MORN1: variants seen among roughly 807,000 people sequenced by gnomAD.
MORN1 encodes the protein MORN repeat containing 1, also known as MORN repeat-containing protein 1.
In MORN1, 67 loss-of-function variants were observed where a neutral mutation model predicts 61.9. The observed-to-expected ratio is 1.08, with a 90% CI of 0.89 to 1.33. MORN1 has a LOEUF of 1.33. Ranked by LOEUF, MORN1 falls within the 40% of genes most tolerant of loss-of-function variation. MORN1 has a pLI of 0.00. For missense variants in MORN1, 752 were observed against 691.2 expected (o/e 1.09, Z -0.99); for synonymous variants, 301 against 292.0 (o/e 1.03, Z -0.31).
intron 8 of MORN1, among the ~76,000 whole-genome samples, chr1:2,370,701 G>T (rs1642100390): frequency 6.8e-6 from 1 of 147,120 alleles, no homozygotes; most frequent in Non-Finnish European, 1.5e-5. Flanking sequence ...AATGAGACAG[G>T]GTCTCCCTCT....
chr1:2,362,176 G>A (rs1375186698), intron 8 of MORN1, among the ~76,000 whole-genome samples: 2 of 152,222 alleles, frequency 1.3e-5, no homozygotes. Context: ...AGGTTGCAAT[G>A]AGCTCTGATC....
Position 2,337,942 on chromosome 1 carries a change from CAG to C in MORN1, c.1037-1094_1037-1093del, listed in dbSNP as rs553344997. ...GATGGATAGAAGGGTGGAGCCAAGA[CAG>C]TGCCCAGGAGGGAAGGAGGAGTCAG... On this transcript the variant is annotated intron_variant, in intron 10 of 13. Transcript: ENST00000378531. This position sits in a 1 kb window ranked among gnomAD's most constrained non-coding sequence, Gnocchi z 5.7. 2.6e-5 allele frequency among the ~76,000 whole-genome samples: 4 copies of C among 152,190 alleles called. No individual in the cohort carries two copies. Among genetic ancestry groups the C allele is most frequent in the Non-Finnish European group, 5.9e-5 (4 of 68,026 alleles).
intron 1 of MORN1, chr1:2,390,355 G>A: frequency 2.2e-6 from 2 of 926,022 alleles, no homozygotes; most frequent in Non-Finnish European, 2.6e-6. Context: ...GCCAGGGGAA[G>A]GCAGAGCGGC....
chr1:2,369,920 G>A (rs1219586264), intron 8 of MORN1, among the ~76,000 whole-genome samples: 1 of 152,160 alleles, frequency 6.6e-6, no homozygotes, highest in Admixed American at 6.5e-5. Context: ...TCTCTCCAGA[G>A]GGGTTCAACG....
At chr1:2,349,659 T>G (rs1282309949) in intron 10 of MORN1, among the ~76,000 whole-genome samples, 1 of 152,214 alleles carries the variant, frequency 6.6e-6, no homozygotes, top group Admixed American at 6.5e-5. Context: ...AAAGCTGTTA[T>G]CACCCCACGA....
intron 10 of MORN1, among the ~76,000 whole-genome samples, chr1:2,345,427 C>A (rs1405794804): frequency 6.6e-6 from 1 of 152,232 alleles, no homozygotes; most frequent in Non-Finnish European, 1.5e-5. Context: ...GTCTTGCCTC[C>A]GTCCTCCTTG....
intron 12 of MORN1, among the ~76,000 whole-genome samples, chr1:2,327,830 C>T (rs921023755): frequency 1.3e-5 from 2 of 152,288 alleles, no homozygotes; most frequent in South Asian, 2.1e-4. Context: ...CCGAATTGGC[C>T]GCCCTGACGG....
chr1:2,341,691 AG>A (rs1334202589), intron 10 of MORN1, among the ~76,000 whole-genome samples: 88 of 102,118 alleles, frequency 8.6e-4, no homozygotes, highest in African/African-American at 2.6e-3. Flanking sequence ...CTCCGTCTCA[AG>A]AAAAAAAAAA....
chr1:2,390,536 A>G, intron 1 of MORN1: 1 of 985,324 alleles, frequency 1.0e-6, no homozygotes, highest in Non-Finnish European at 1.2e-6. Flanking sequence ...CTGCAGTTCC[A>G]GGAATGGGCA....
chr1:2,373,699 C>T (rs1336118351), intron 7 of MORN1, among the ~76,000 whole-genome samples: 2 of 152,186 alleles, frequency 1.3e-5, no homozygotes, highest in African/African-American at 4.8e-5. Flanking sequence ...ACCCACCTCT[C>T]AGTGCTCCCC....
intron 10 of MORN1, among the ~76,000 whole-genome samples, chr1:2,348,460 C>T (rs1369997183): frequency 6.6e-6 from 1 of 152,206 alleles, no homozygotes; most frequent in African/African-American, 2.4e-5. Context: ...CATCCTGCCC[C>T]AGCCTGGATC....
chr1:2,345,810 C>T (rs1356062673), intron 10 of MORN1, among the ~76,000 whole-genome samples: 3 of 147,278 alleles, frequency 2.0e-5, no homozygotes. Context: ...AGAGCACACA[C>T]ACAGCCACAT....
At chr1:2,345,827 G>A (rs1333488024) in intron 10 of MORN1, among the ~76,000 whole-genome samples, 2 of 84,772 alleles carry the variant, frequency 2.4e-5, no homozygotes, top group Admixed American at 1.4e-4. Context: ...ACATGTATGC[G>A]GCCACACACA....
chr1:2,390,452 T>C, intron 1 of MORN1: 1 of 985,200 alleles, frequency 1.0e-6, no homozygotes, highest in Non-Finnish European at 1.2e-6. Context: ...GGGGAGAAAA[T>C]CCACACTCAT....
intron 8 of MORN1, among the ~76,000 whole-genome samples, chr1:2,361,548 A>ACT (rs34534255): frequency 0.52 from 78,663 of 151,616 alleles, 21,986 homozygotes; most frequent in African/African-American, 0.74. Flanking sequence ...ACAGAGTGAG[A>ACT]CTGTCTCAAA....
chr1:2,354,922 T>G (rs1382548586), intron 10 of MORN1, among the ~76,000 whole-genome samples: 1 of 152,142 alleles, frequency 6.6e-6, no homozygotes, highest in African/African-American at 2.4e-5. Context: ...CAAAAGCACG[T>G]TCCTCTAGGT....
intron 11 of MORN1, 75 bp downstream of exon 11, chr1:2,336,642 G>A (rs763726852): frequency 4.4e-6 from 7 of 1,574,346 alleles, no homozygotes; most frequent in African/African-American, 1.3e-5. Flanking sequence ...ACATGGCCTG[G>A]GTGTTGAGGT....
At chr1:2,323,417 T>G in intron 13 of MORN1, 1 of 985,410 alleles carries the variant, frequency 1.0e-6, no homozygotes. Flanking sequence ...TCATTCATGT[T>G]GGCCCAGGTG....
rs1641227685 is a variant in MORN1 at position 2,334,638 on chromosome 1, A to T, written c.1250+1831T>A. ...CAGGGGAAGTGGCCGCTGGTCACAG[A>T]TGTGTGCCCCGAAGAGACGACATCA... On this transcript the variant is annotated intron_variant, in intron 12 of 13. Coordinates refer to ENST00000378531, the MANE Select transcript of MORN1 (RefSeq NM_024848.3). This position sits in a 1 kb window ranked among gnomAD's most constrained non-coding sequence, Gnocchi z 5.4. Among the ~76,000 whole-genome samples the T allele has an allele frequency of 6.6e-6, 1 of 152,116 alleles. No individual in the cohort carries two copies. Among genetic ancestry groups the T allele is most frequent in the African/African-American group, 2.4e-5 (1 of 41,412 alleles).
Sources: allele counts gnomAD v4.1 joint callset (sites outside exome capture counted in the v4.1 genomes callset), GRCh38; gene constraint gnomAD v4.1.1; non-coding constraint Gnocchi (gnomAD v3.1); transcripts MANE v1.5; gene names NCBI Gene and HGNC (gene_info 2026-07-23, HGNC 2026-07-21).